Variants in STX8 observed in about 807,000 individuals in gnomAD.
STX8 encodes syntaxin-8.
STX8 carries 23 observed loss-of-function variants against 37.5 expected under a neutral mutation model. The observed-to-expected ratio is 0.61, with a 90% CI of 0.44 to 0.87. The LOEUF is 0.87. STX8 is among the 40% of genes least tolerant of loss of function. The pLI is 0.00. For synonymous variants in STX8, 115 were observed against 99.1 expected, an observed-to-expected ratio of 1.16 and a Z score of -0.95; for missense variants, 313 against 284.7, an observed-to-expected ratio of 1.10 and a Z score of -0.71.
intron 1 of STX8, 43 bp from the exon 2 acceptor site, chr17:9,568,513 T>A (rs930356479): frequency 1.9e-6 from 3 of 1,545,674 alleles, no homozygotes; most frequent in Admixed American, 3.5e-5. Flanking sequence ...AAGGTTCTTT[T>A]TTTTTGAGAC....
intron 3 of STX8, among the ~76,000 whole-genome samples, chr17:9,547,627 C>CAAA (rs11377271): frequency 0.011 from 598 of 53,212 alleles, 27 homozygotes; most frequent in South Asian, 0.016. Context: ...GACTCCGTCT[C>CAAA]AAAAAAAAAA....
chr17:9,482,590 T>A (rs1039080903), intron 6 of STX8, among the ~76,000 whole-genome samples: 14 of 152,170 alleles, frequency 9.2e-5, no homozygotes, highest in Admixed American at 1.3e-4. Context: ...CTTCTGATAG[T>A]GACTTGTGCA....
At chr17:9,417,799 C>T (rs1185069426) in intron 6 of STX8, among the ~76,000 whole-genome samples, 4 of 152,120 alleles carry the variant, frequency 2.6e-5, no homozygotes, top group African/African-American at 9.7e-5. Flanking sequence ...GGAACCTCCA[C>T]GAACACCCCT....
chr17:9,381,034 A>C (rs572530093), intron 6 of STX8, among the ~76,000 whole-genome samples: 1 of 152,162 alleles, frequency 6.6e-6, no homozygotes, highest in South Asian at 2.1e-4. Context: ...ATCTTGTTAC[A>C]ACTGCTTACA....
At chr17:9,468,664 G>A (rs1905717652) in intron 6 of STX8, among the ~76,000 whole-genome samples, 3 of 152,124 alleles carry the variant, frequency 2.0e-5, no homozygotes. Flanking sequence ...AGTGCTCTTG[G>A]CAGACGGTCT....
intron 6 of STX8, among the ~76,000 whole-genome samples, chr17:9,397,507 C>G (rs1336594781): frequency 6.6e-6 from 1 of 152,154 alleles, no homozygotes; most frequent in Admixed American, 6.5e-5. Flanking sequence ...GATGAGGCTA[C>G]AACAATCCAT....
intron 4 of STX8, among the ~76,000 whole-genome samples, chr17:9,536,923 T>C (rs909262594): frequency 1.3e-5 from 2 of 152,094 alleles, no homozygotes; most frequent in African/African-American, 4.8e-5. Flanking sequence ...TTTTTTATTA[T>C]TTTTAGTAGA....
At chr17:9,309,755 A>AAC (rs1170938743) in intron 7 of STX8, among the ~76,000 whole-genome samples, 1 of 152,208 alleles carries the variant, frequency 6.6e-6, no homozygotes, top group East Asian at 1.9e-4. Context: ...GAGACTTGTA[A>AAC]GATTTTTAAA....
intron 6 of STX8, among the ~76,000 whole-genome samples, chr17:9,486,499 C>T (rs1906603924): frequency 1.3e-5 from 2 of 152,166 alleles, no homozygotes; most frequent in African/African-American, 2.4e-5. Context: ...TTTGTGGTGG[C>T]TCATGCCAAA....
Position 9,401,603 on chromosome 17 carries a change from T to C in STX8, c.542-22950A>G, listed in dbSNP as rs886381516. On this transcript the variant is annotated intron_variant, in intron 6 of 7. Transcript: ENST00000306357. ...TCTGAATGCTTTACTCAGAAGCTCA[T>C]GCCTCTCCTGTCTCAAATTTCAGGT... 2.0e-5 allele frequency among the ~76,000 whole-genome samples: 3 copies of C among 152,332 alleles called. No individual in the cohort carries two copies. In the East Asian group the frequency reaches 5.8e-4, roughly 29 times the overall value.
chr17:9,330,995 C>T (rs1474828137), intron 7 of STX8, among the ~76,000 whole-genome samples: 1 of 152,222 alleles, frequency 6.6e-6, no homozygotes, highest in Non-Finnish European at 1.5e-5. Context: ...CCGGCGCCAA[C>T]TCTTCAACCC....
At chr17:9,322,461 G>A (rs923122228) in intron 7 of STX8, among the ~76,000 whole-genome samples, 5 of 152,132 alleles carry the variant, frequency 3.3e-5, no homozygotes, top group African/African-American at 1.2e-4. Context: ...GCCCACAGGG[G>A]GCCTGAGGAC....
At chr17:9,445,260 C>T (rs1904798579) in intron 6 of STX8, among the ~76,000 whole-genome samples, 1 of 151,838 alleles carries the variant, frequency 6.6e-6, no homozygotes, top group Non-Finnish European at 1.5e-5. Flanking sequence ...CAATGAAATG[C>T]CAAAATCCAC....
At chr17:9,363,076 A>C (rs1257747218) in intron 7 of STX8, among the ~76,000 whole-genome samples, 3 of 152,156 alleles carry the variant, frequency 2.0e-5, no homozygotes, top group African/African-American at 7.2e-5. Flanking sequence ...GTGTGAGTGC[A>C]CGTGTGTATA....
rs61437085 is a variant in STX8, at chr17:9,503,105, C to CA, written c.448+1932dup. On this transcript the variant is annotated intron_variant, in intron 5 of 7. Coordinates refer to ENST00000306357, the MANE Select transcript of STX8 (RefSeq NM_004853.3). ...TAGGCAGCAAAGCCAGACTCTGTCT[C>CA]AAAAAAAAAAAAAAAAAAAAAAGAG... Among the ~76,000 whole-genome samples, 466 of 58,582 alleles carry CA rather than the reference C, an allele frequency of 8.0e-3. 23 individuals carry two copies. The highest frequency in any genetic ancestry group is 0.034 in the Admixed American group (134 of 3,958). 38.4% of individuals were successfully genotyped at this position (58,582 alleles called of 152,430 possible). A position where few individuals can be genotyped will look rare whatever the true frequency, so the allele number is the denominator to read the frequency against.
intron 6 of STX8, among the ~76,000 whole-genome samples, chr17:9,391,755 G>A (rs748336757): frequency 2.6e-5 from 4 of 151,674 alleles, no homozygotes; most frequent in Non-Finnish European, 4.4e-5. Context: ...CTATATAGAT[G>A]GGAAGCATAT....
chr17:9,400,344 G>A lies in STX8; in HGVS notation c.542-21691C>T, dbSNP rs554643040. ...TCTCGATCTCCTGACCTTGTGATCC[G>A]CCTGCCTCAGCCTCCAAAGTGCTGG... On this transcript the variant is annotated intron_variant, in intron 6 of 7. Coordinates refer to ENST00000306357, the MANE Select transcript of STX8 (RefSeq NM_004853.3). Among the ~76,000 whole-genome samples, 423 of 151,844 alleles carry A rather than the reference G, an allele frequency of 2.8e-3. 1 individual carries two copies. Among genetic ancestry groups the A allele is most frequent in the African/African-American group, 9.1e-3 (377 of 41,390 alleles).
intron 7 of STX8, among the ~76,000 whole-genome samples, chr17:9,315,421 G>A (rs1038517735): frequency 1.3e-5 from 2 of 152,106 alleles, no homozygotes; most frequent in Non-Finnish European, 2.9e-5. Flanking sequence ...GAGGCTGCAC[G>A]CAGCATGCTT....
intron 7 of STX8, among the ~76,000 whole-genome samples, chr17:9,274,714 T>TC (rs1907602399): frequency 1.2e-5 from 1 of 85,000 alleles, no homozygotes; most frequent in Non-Finnish European, 2.6e-5. Flanking sequence ...ATAATAATAA[T>TC]AAACAAAGTC....
Sources: allele counts gnomAD v4.1 joint callset (sites outside exome capture counted in the v4.1 genomes callset), GRCh38; gene constraint gnomAD v4.1.1; transcripts MANE v1.5; gene names NCBI Gene and HGNC (gene_info 2026-07-23, HGNC 2026-07-21).